The following FOXP2 variants were observed in gnomAD, a reference collection of about 807,000 sequenced individuals.
The protein encoded by FOXP2 is forkhead box protein P2.
A neutral mutation model predicts 115.8 loss-of-function variants in FOXP2; 12 were observed. The ratio of observed to expected loss-of-function variants is 0.10; its 90% CI spans 0.07 to 0.17. The LOEUF is 0.17. Among genes scored for constraint, FOXP2 ranks in the 10% least tolerant of loss-of-function variants. FOXP2 has a pLI of 1.00. For synonymous variants in FOXP2, 328 were observed against 297.7 expected, an observed-to-expected ratio of 1.10 and a Z score of -1.05; for missense variants, 629 against 843.5, an observed-to-expected ratio of 0.75 and a Z score of 3.15.
At chr7:114,119,065 G>A (rs1791486675) in intron 1 of FOXP2, among the ~76,000 whole-genome samples, 1 of 152,100 alleles carries the variant, frequency 6.6e-6, no homozygotes, top group Admixed American at 6.6e-5. Flanking sequence ...TCATTCCCAT[G>A]AGTGAAAAAA....
intron 1 of FOXP2, among the ~76,000 whole-genome samples, chr7:114,224,288 T>G (rs1794694792): frequency 6.6e-6 from 1 of 152,160 alleles, no homozygotes; most frequent in South Asian, 2.1e-4. Context: ...ACAATTAGCT[T>G]GTCAGTTTGG....
intron 3 of FOXP2, among the ~76,000 whole-genome samples, chr7:114,549,129 C>A (rs1380106843): frequency 3.3e-5 from 5 of 152,170 alleles, no homozygotes; most frequent in Non-Finnish European, 5.9e-5. Flanking sequence ...ACCTTGCTTT[C>A]TCTTACCCCA....
chr7:114,177,756 A>G (rs1014877295), intron 1 of FOXP2, among the ~76,000 whole-genome samples: 3 of 151,996 alleles, frequency 2.0e-5, no homozygotes, highest in Admixed American at 1.3e-4. Context: ...TGTACTGGCT[A>G]AATGAAGTTA....
At chr7:114,438,327 G>GCAGGT (rs1258055317) in intron 2 of FOXP2, among the ~76,000 whole-genome samples, 1 of 151,972 alleles carries the variant, frequency 6.6e-6, no homozygotes, top group African/African-American at 2.4e-5. Flanking sequence ...CTTCTGTTCT[G>GCAGGT]CAGGTCCCCT....
chr7:114,457,611 T>G (rs1035690303), intron 2 of FOXP2, among the ~76,000 whole-genome samples: 1 of 152,122 alleles, frequency 6.6e-6, no homozygotes, highest in Admixed American at 6.5e-5. Context: ...AAAAATATAT[T>G]CTCATGGCTG....
At chr7:114,387,712 TAA>T (rs971181450) in intron 2 of FOXP2, among the ~76,000 whole-genome samples, 1 of 152,112 alleles carries the variant, frequency 6.6e-6, no homozygotes, top group Non-Finnish European at 1.5e-5. Context: ...ATATTCACAG[TAA>T]AAAAATTCTT....
chr7:114,602,587 T>C (rs979397609), intron 3 of FOXP2, among the ~76,000 whole-genome samples: 7 of 152,022 alleles, frequency 4.6e-5, no homozygotes, highest in African/African-American at 1.7e-4. Flanking sequence ...TATAATATTT[T>C]ATCTGTATTC....
At chr7:114,611,008 G>T (rs535015835) in intron 3 of FOXP2, among the ~76,000 whole-genome samples, 1 of 152,178 alleles carries the variant, frequency 6.6e-6, no homozygotes, top group South Asian at 2.1e-4. Flanking sequence ...GAAATAATTT[G>T]AGATAAAACG....
chr7:114,214,240 A>C (rs997294369), intron 1 of FOXP2, among the ~76,000 whole-genome samples: 26 of 152,160 alleles, frequency 1.7e-4, no homozygotes, highest in African/African-American at 6.3e-4. Context: ...GACTACCTTA[A>C]GGTCACTCTC....
intron 2 of FOXP2, among the ~76,000 whole-genome samples, chr7:114,349,530 C>A (rs1791428288): frequency 1.3e-5 from 2 of 151,984 alleles, no homozygotes; most frequent in South Asian, 4.1e-4. Context: ...TTCTATTTGG[C>A]AGTAGATATT....
At chr7:114,139,968 C>T (rs1221528218) in intron 1 of FOXP2, among the ~76,000 whole-genome samples, 1 of 152,090 alleles carries the variant, frequency 6.6e-6, no homozygotes, top group African/African-American at 2.4e-5. Context: ...AAAAAATTAG[C>T]CAAGCGTGGT....
chr7:114,132,983 G>A (rs1261703887), intron 1 of FOXP2, among the ~76,000 whole-genome samples: 1 of 152,150 alleles, frequency 6.6e-6, no homozygotes, highest in Non-Finnish European at 1.5e-5. Flanking sequence ...CTGCACCAGA[G>A]GTAGGGATGA....
chr7:114,641,599 G>T (rs1300743937), intron 6 of FOXP2, among the ~76,000 whole-genome samples: 1 of 151,666 alleles, frequency 6.6e-6, no homozygotes, highest in African/African-American at 2.4e-5. Context: ...CTATTTTTTT[G>T]AGTTGAGTGT....
chr7:114,574,813 G>A (rs1320172098), intron 3 of FOXP2, among the ~76,000 whole-genome samples: 3 of 151,880 alleles, frequency 2.0e-5, no homozygotes, highest in Admixed American at 2.0e-4. Context: ...TTAGCATTGA[G>A]CCAGATGAAT....
chr7:114,244,812 AG>A (rs1221268981), intron 1 of FOXP2, among the ~76,000 whole-genome samples: 3 of 150,952 alleles, frequency 2.0e-5, no homozygotes, highest in African/African-American at 7.3e-5. Flanking sequence ...CCCAGGCGGG[AG>A]TGCAGTGGCG....
At chr7:114,405,179 T>G (rs895099309) in intron 2 of FOXP2, among the ~76,000 whole-genome samples, 2 of 151,866 alleles carry the variant, frequency 1.3e-5, no homozygotes, top group African/African-American at 4.8e-5. Flanking sequence ...CCTTATACAT[T>G]TATGTGTGTA....
rs199765679 is a variant in FOXP2, at chr7:114,443,861, T to G, written c.168+17182T>G. 9.8e-5 allele frequency among the ~76,000 whole-genome samples: 15 copies of G among 152,320 alleles called. No individual in the cohort carries two copies. In the East Asian group the frequency reaches 2.9e-3, roughly 29 times the overall value. On this transcript the variant is annotated intron_variant, in intron 2 of 16. Coordinates refer to ENST00000350908, the MANE Select transcript of FOXP2 (RefSeq NM_014491.4). ...GGTTGATTCCATGTCTTTGCTATTC[T>G]GAATGGTGCTGAGATGAATATATGC...
Position 114,664,485 on chromosome 7 carries a change from G to A in FOXP2, c.2003+49G>A, listed in dbSNP as rs761259198. 9.3e-6 allele frequency: 15 copies of A among 1,605,704 alleles called. No homozygotes were observed. The South Asian group carries it at 1.7e-4, about 18-fold the overall frequency. Reference sequence around the variant, plus strand: ...TAAAGGGAAGAATCTATATTAATATGCTTCTTAAATTTAGAATTTTTCCGA... The same window carrying A: ...TAAAGGGAAGAATCTATATTAATATACTTCTTAAATTTAGAATTTTTCCGA... On this transcript the variant is annotated intron_variant, in intron 16 of 16. Coordinates refer to ENST00000350908, the MANE Select transcript of FOXP2 (RefSeq NM_014491.4).
At chr7:114,581,237 G>A (rs1472511350) in intron 3 of FOXP2, among the ~76,000 whole-genome samples, 1 of 151,464 alleles carries the variant, frequency 6.6e-6, no homozygotes, top group Non-Finnish European at 1.5e-5. Flanking sequence ...AGGCTGGAGT[G>A]CAGTGGCACA....
Sources: gnomAD v4.1 joint callset for allele counts (sites outside exome capture counted in the v4.1 genomes callset) on GRCh38, gnomAD v4.1.1 for gene constraint, MANE v1.5 for transcripts, NCBI Gene and HGNC (gene_info 2026-07-23, HGNC 2026-07-21) for gene names.